The following LPGAT1 variants were observed in gnomAD, a reference collection of about 807,000 sequenced individuals.
The protein encoded by LPGAT1 is lysophosphatidylglycerol acyltransferase 1, also known as acyl-CoA:lysophosphatidylglycerol acyltransferase 1.
Under a neutral mutation model 47.5 loss-of-function variants are expected in LPGAT1, and 11 were observed. The observed-to-expected ratio is 0.23, with a 90% CI of 0.15 to 0.38. The LOEUF (loss-of-function observed/expected upper bound fraction) is 0.38. LPGAT1 is among the 10% of genes least tolerant of loss of function. The probability of loss-of-function intolerance (pLI) is 1.00; values close to 1 mark genes in which losing one functional copy is unlikely to be tolerated. For missense variants in LPGAT1, 293 were observed against 439.0 expected (o/e 0.67, Z 2.97); for synonymous variants, 138 against 144.2 (o/e 0.96, Z 0.31).
At chr1:211,807,153 A>T (rs529813433) in intron 2 of LPGAT1, among the ~76,000 whole-genome samples, 1 of 152,304 alleles carries the variant, frequency 6.6e-6, no homozygotes, top group Non-Finnish European at 1.5e-5. Flanking sequence ...GAAATTTTTT[A>T]AAAATACTAT....
At chr1:211,793,541 T>G (rs1289614196) in intron 2 of LPGAT1, among the ~76,000 whole-genome samples, 3 of 151,982 alleles carry the variant, frequency 2.0e-5, no homozygotes, top group African/African-American at 7.2e-5. Context: ...CAAGCAATTC[T>G]CCTGCCTCAG....
At chr1:211,771,960 C>T (rs1008075277) in intron 6 of LPGAT1, among the ~76,000 whole-genome samples, 5 of 151,844 alleles carry the variant, frequency 3.3e-5, no homozygotes, top group African/African-American at 1.2e-4. Flanking sequence ...TTAGAGAAAC[C>T]CTGTTTCACT....
At chr1:211,779,498 T>G (rs1470329823) in intron 5 of LPGAT1, among the ~76,000 whole-genome samples, 1 of 152,180 alleles carries the variant, frequency 6.6e-6, no homozygotes, top group Non-Finnish European at 1.5e-5. Context: ...TAATAAATAT[T>G]GGAACATGGC....
intron 6 of LPGAT1, among the ~76,000 whole-genome samples, chr1:211,763,730 T>G (rs1308304847): frequency 6.6e-6 from 1 of 152,242 alleles, no homozygotes; most frequent in Non-Finnish European, 1.5e-5. Context: ...CCATATAGAT[T>G]ATAAATGTTT....
intron 1 of LPGAT1, 38 bp from the exon 2 acceptor site, chr1:211,829,361 C>G (rs1204749695): frequency 6.2e-7 from 1 of 1,604,582 alleles, no homozygotes; most frequent in African/African-American, 1.3e-5. Flanking sequence ...AAGGAAAATT[C>G]ATTAAATACA....
intron 3 of LPGAT1, among the ~76,000 whole-genome samples, chr1:211,791,746 CA>C (rs1195989474): frequency 0.096 from 3,498 of 36,322 alleles, 189 homozygotes; most frequent in African/African-American, 0.26. Flanking sequence ...GACTCCATCT[CA>C]AAAAAAAAAA....
chr1:211,778,911 T>G lies in LPGAT1; in HGVS notation c.854+7A>C, dbSNP rs75336895. ...ATATATACTGAGTACTAATATAGAATTCTTACCTGTAATGTACATGTGTGA... is the reference window on the plus strand; with the variant it reads ...ATATATACTGAGTACTAATATAGAAGTCTTACCTGTAATGTACATGTGTGA... On this transcript the variant is annotated splice_region_variant and intron_variant, in intron 6 of 7. Coordinates refer to ENST00000366997, the MANE Select transcript of LPGAT1 (RefSeq NM_014873.3). The G allele has an allele frequency of 6.3e-7, 1 of 1,580,198 alleles. No individual in the cohort carries two copies. Among genetic ancestry groups the G allele is most frequent in the Non-Finnish European group, 8.6e-7 (1 of 1,167,788 alleles).
chr1:211,824,421 G>C (rs1330957181), intron 2 of LPGAT1, among the ~76,000 whole-genome samples: 1 of 152,104 alleles, frequency 6.6e-6, no homozygotes, highest in Non-Finnish European at 1.5e-5. Flanking sequence ...GATCATTCAA[G>C]AACTAGACAC....
At chr1:211,786,280 A>C (rs1017559502) in intron 4 of LPGAT1, among the ~76,000 whole-genome samples, 3 of 152,194 alleles carry the variant, frequency 2.0e-5, no homozygotes, top group African/African-American at 7.2e-5. Flanking sequence ...TGTGACACTT[A>C]TTTTCACAGA....
At chr1:211,812,867 C>G (rs930257559) in intron 2 of LPGAT1, among the ~76,000 whole-genome samples, 16 of 152,184 alleles carry the variant, frequency 1.1e-4, no homozygotes, top group African/African-American at 3.9e-4. Context: ...CTTGGCCCTG[C>G]TGACACCTTG....
intron 6 of LPGAT1, among the ~76,000 whole-genome samples, chr1:211,769,027 C>G (rs6693275): frequency 0.98 from 148,527 of 152,286 alleles, 72,445 homozygotes; most frequent in East Asian, 1. Flanking sequence ...AGATACCACT[C>G]TAAGACTTCA....
intron 4 of LPGAT1, among the ~76,000 whole-genome samples, chr1:211,784,834 C>T (rs1233229432): frequency 3.5e-5 from 5 of 144,826 alleles, no homozygotes; most frequent in East Asian, 4.2e-4. Context: ...GACAGAGTCT[C>T]GCTCTGTTGC....
intron 6 of LPGAT1, among the ~76,000 whole-genome samples, chr1:211,776,644 C>A (rs1162774605): frequency 6.6e-6 from 1 of 151,706 alleles, no homozygotes. Flanking sequence ...CTTTTTAAGT[C>A]TGCTAAGATG....
At chr1:211,819,677 A>C (rs1354235721) in intron 2 of LPGAT1, among the ~76,000 whole-genome samples, 1 of 152,110 alleles carries the variant, frequency 6.6e-6, no homozygotes, top group Non-Finnish European at 1.5e-5. Flanking sequence ...AAGCAACAGA[A>C]CAATACCTTT....
intron 7 of LPGAT1, among the ~76,000 whole-genome samples, 167 bp from the exon 8 acceptor site, chr1:211,750,217 T>A (rs1377507582): frequency 6.6e-6 from 1 of 152,240 alleles, no homozygotes; most frequent in Non-Finnish European, 1.5e-5. Flanking sequence ...CTGTACTACC[T>A]AGCCCCTTCT....
intron 2 of LPGAT1, among the ~76,000 whole-genome samples, chr1:211,806,847 T>C (rs1659781314): frequency 6.6e-6 from 1 of 152,144 alleles, no homozygotes; most frequent in Non-Finnish European, 1.5e-5. Context: ...TAGTATTTAG[T>C]AGTATTTAGA....
At chr1:211,788,702 A>C (rs189406156) in intron 3 of LPGAT1, among the ~76,000 whole-genome samples, 2 of 152,142 alleles carry the variant, frequency 1.3e-5, no homozygotes, top group African/African-American at 4.8e-5. Context: ...AAAAAATTAA[A>C]AGTACAAACG....
chr1:211,794,963 G>T (rs1659287638), intron 2 of LPGAT1, among the ~76,000 whole-genome samples: 1 of 152,138 alleles, frequency 6.6e-6, no homozygotes, highest in African/African-American at 2.4e-5. Context: ...CTGCAGCTTT[G>T]ATTGTAAAAG....
At chr1:211,827,552 A>G (rs1436843297) in intron 2 of LPGAT1, among the ~76,000 whole-genome samples, 1 of 152,230 alleles carries the variant, frequency 6.6e-6, no homozygotes, top group African/African-American at 2.4e-5. Flanking sequence ...TGAAAATACT[A>G]TAAGCTAATT....
Sources: allele counts gnomAD v4.1 joint callset (sites outside exome capture counted in the v4.1 genomes callset), GRCh38; gene constraint gnomAD v4.1.1; transcripts MANE v1.5; gene names NCBI Gene and HGNC (gene_info 2026-07-23, HGNC 2026-07-21).